The following SYNE1 variants were observed in gnomAD, a reference collection of about 807,000 sequenced individuals.
SYNE1 encodes the protein nesprin-1.
A neutral mutation model predicts 1,111.0 loss-of-function variants in SYNE1; 616 were observed. That is an observed-to-expected ratio of 0.55 (90% confidence interval 0.52 to 0.59). The LOEUF (loss-of-function observed/expected upper bound fraction) is 0.59. Ranked by LOEUF, SYNE1 falls within the 20% of genes least tolerant of loss-of-function variation. The pLI is 0.00. For synonymous variants in SYNE1, 3,855 were observed against 3,825.8 expected (o/e 1.01, Z -0.28); for missense variants, 10,006 against 10,417.0 (o/e 0.96, Z 1.72).
In SYNE1 at chr6:152,145,317, T is replaced by C; in HGVS notation, c.24977-1552A>G. ...TTTCGCTCAATTAGTGAAATCTTAT[T>C]CTTGGTGTGGATTTAACCAGCTGTT... On this transcript the variant is annotated intron_variant, in intron 137 of 145. Transcript: ENST00000367255. The C allele has an allele frequency of 5.8e-6, 4 of 688,028 alleles. No individual in the cohort carries two copies. The South Asian group carries it at 6.5e-5, about 11-fold the overall frequency. 42.6% of individuals were successfully genotyped at this position (688,028 alleles called of 1,614,324 possible).
chr6:152,562,574 A>G lies in SYNE1; in HGVS notation c.68-22553T>C, dbSNP rs138330160. Among the ~76,000 whole-genome samples, 1,229 of 152,348 alleles carry G rather than the reference A, an allele frequency of 8.1e-3. 11 individuals carry two copies. Among genetic ancestry groups the G allele is most frequent in the African/African-American group, 0.027 (1,106 of 41,594 alleles). On this transcript the variant is annotated intron_variant, in intron 3 of 145. Transcript: ENST00000367255. Reference sequence around the variant, plus strand: ...TATATCCAAAGGAAATGAAATCAGTATATCACTGAGACATCTGCACCACCA... The same window carrying G: ...TATATCCAAAGGAAATGAAATCAGTGTATCACTGAGACATCTGCACCACCA...
intron 98 of SYNE1, 67 bp downstream of exon 98, chr6:152,278,022 A>C: frequency 6.3e-7 from 1 of 1,578,824 alleles, no homozygotes; most frequent in Admixed American, 1.7e-5. Flanking sequence ...TTACCTGGCA[A>C]ACCTTAGAAG....
intron 101 of SYNE1, among the ~76,000 whole-genome samples, chr6:152,257,265 G>T (rs1259781320): frequency 6.6e-6 from 1 of 152,116 alleles, no homozygotes; most frequent in Non-Finnish European, 1.5e-5. Context: ...ACCCACGATG[G>T]CTCATGCCTG....
intron 3 of SYNE1, among the ~76,000 whole-genome samples, chr6:152,569,889 C>T (rs1004958907): frequency 1.3e-5 from 2 of 152,074 alleles, no homozygotes; most frequent in Non-Finnish European, 2.9e-5. Context: ...GTCTTGAGGC[C>T]ATACTTTCAT....
At chr6:152,137,597 G>C (rs781193989) in intron 140 of SYNE1, among the ~76,000 whole-genome samples, 5 of 152,196 alleles carry the variant, frequency 3.3e-5, no homozygotes, top group Non-Finnish European at 5.9e-5. Flanking sequence ...TTGAGCACAG[G>C]AGTCTGTATT....
chr6:152,343,812 C>G (rs1357842351), intron 74 of SYNE1, among the ~76,000 whole-genome samples: 1 of 152,082 alleles, frequency 6.6e-6, no homozygotes, highest in African/African-American at 2.4e-5. Context: ...AAGTGATTCG[C>G]CCGTTTTGGC....
At chr6:152,515,040 G>A (rs969221481) in intron 6 of SYNE1, among the ~76,000 whole-genome samples, 83 of 152,112 alleles carry the variant, frequency 5.5e-4, no homozygotes, top group African/African-American at 2.0e-3. Context: ...TGGCCAATGT[G>A]GTGAAACTCT....
chr6:152,330,454 C>T lies in SYNE1; in HGVS notation c.14231G>A (p.Gly4744Asp). ...CATCTTGTCTGGCTGCCAAGGCTGA[C>T]CTGTGCTGCGAAAACCTTCTTTTTT... ...NQKKEGFRSTGQPWQPDKMLH... is the reference protein window; with the variant it reads ...NQKKEGFRSTDQPWQPDKMLH... Residue 4744 changes from glycine to aspartate, a missense_variant, in exon 78 of 146, where the codon GGT (glycine) becomes GAT (aspartate). This residue lies in a region of SYNE1 where 4,955 missense variants were observed against 5,017.2 expected (regional missense o/e 0.99). Coordinates refer to ENST00000367255, the MANE Select transcript of SYNE1 (RefSeq NM_182961.4). 1 of 1,614,122 alleles carries T rather than the reference C, an allele frequency of 6.2e-7. No homozygotes were observed. Among genetic ancestry groups the T allele is most frequent in the Non-Finnish European group, 8.5e-7 (1 of 1,180,022 alleles).
intron 51 of SYNE1, among the ~76,000 whole-genome samples, chr6:152,395,145 C>T (rs571216488): frequency 2.8e-4 from 42 of 151,518 alleles, no homozygotes; most frequent in Non-Finnish European, 5.0e-4. Flanking sequence ...TTCTTTCCTT[C>T]ATATCAGCTT....
At chr6:152,298,704 G>C (rs1441783934) in intron 93 of SYNE1, among the ~76,000 whole-genome samples, 1 of 152,112 alleles carries the variant, frequency 6.6e-6, no homozygotes, top group Admixed American at 6.5e-5. Context: ...GTCCTCCTCA[G>C]TTTCAAGAGA....
intron 34 of SYNE1, among the ~76,000 whole-genome samples, chr6:152,431,621 A>G (rs1010131072): frequency 1.3e-5 from 2 of 152,228 alleles, no homozygotes; most frequent in African/African-American, 2.4e-5. Flanking sequence ...TTCAATCAAA[A>G]TACATCAAAA....
chr6:152,451,468 ATTTTTTTTTT>A (rs145882121), intron 25 of SYNE1, among the ~76,000 whole-genome samples: 4 of 49,822 alleles, frequency 8.0e-5, no homozygotes, highest in African/African-American at 2.5e-4. Context: ...CCTGCACCGT[ATTTTTTTTTT>A]TTTTTTTTTT....
At chr6:152,569,271 G>T (rs2099431415) in intron 3 of SYNE1, among the ~76,000 whole-genome samples, 1 of 152,120 alleles carries the variant, frequency 6.6e-6, no homozygotes, top group Admixed American at 6.6e-5. Context: ...AAATTTTGTG[G>T]TGCAGTGGTT....
intron 129 of SYNE1, 37 bp downstream of exon 129, chr6:152,180,099 T>C (rs775955269): frequency 1.9e-6 from 3 of 1,612,364 alleles, no homozygotes; most frequent in Non-Finnish European, 2.5e-6. Flanking sequence ...ATAAGCCTTA[T>C]GAAGAATGAA....
At chr6:152,388,695 G>C (rs570461575) in intron 53 of SYNE1, among the ~76,000 whole-genome samples, 1 of 152,154 alleles carries the variant, frequency 6.6e-6, no homozygotes, top group African/African-American at 2.4e-5. Flanking sequence ...TGAGCTTTTA[G>C]AGGGCAAAAA....
intron 135 of SYNE1, 41 bp downstream of exon 135, chr6:152,151,512 A>C: frequency 6.2e-7 from 1 of 1,611,762 alleles, no homozygotes; most frequent in Non-Finnish European, 8.5e-7. Flanking sequence ...TTTCATTTTC[A>C]GGCTTTCTTC....
intron 3 of SYNE1, among the ~76,000 whole-genome samples, chr6:152,584,165 C>T (rs572087090): frequency 6.6e-6 from 1 of 152,080 alleles, no homozygotes; most frequent in South Asian, 2.1e-4. Context: ...TTAAAGTTTT[C>T]CTTAGGGTTC....
intron 47 of SYNE1, 121 bp from the exon 48 acceptor site, chr6:152,399,944 T>C: frequency 1.7e-6 from 2 of 1,152,710 alleles, no homozygotes; most frequent in South Asian, 1.4e-5. Context: ...CCATGGTGTA[T>C]ACATTTTGGT....
chr6:152,500,606 G>A (rs755193290), intron 10 of SYNE1, among the ~76,000 whole-genome samples: 1 of 152,036 alleles, frequency 6.6e-6, no homozygotes, highest in African/African-American at 2.4e-5. Context: ...TAAGCTTTTG[G>A]TTATGCTCCT....
Sources: allele counts gnomAD v4.1 joint callset (sites outside exome capture counted in the v4.1 genomes callset), GRCh38; gene constraint gnomAD v4.1.1; regional missense constraint gnomAD v4.1.1; transcripts MANE v1.5; gene names NCBI Gene and HGNC (gene_info 2026-07-23, HGNC 2026-07-21).